The following EPB41 variants were observed in gnomAD, a reference collection of about 807,000 sequenced individuals.
EPB41 encodes the protein protein 4.1.
In EPB41, 65 loss-of-function variants were observed where a neutral mutation model predicts 108.0. The ratio of observed to expected loss-of-function variants is 0.60; its 90% CI spans 0.49 to 0.74. The LOEUF is 0.74. EPB41 is among the 30% of genes least tolerant of loss of function. The probability of loss-of-function intolerance (pLI) is 0.00; values close to 1 mark genes in which losing one functional copy is unlikely to be tolerated. For synonymous variants in EPB41, 336 were observed against 358.9 expected (o/e 0.94, Z 0.72); for missense variants, 875 against 1,037.0 (o/e 0.84, Z 2.15).
At chr1:29,027,435 G>A (rs908922654) in intron 7 of EPB41, among the ~76,000 whole-genome samples, 1 of 151,158 alleles carries the variant, frequency 6.6e-6, no homozygotes, top group Non-Finnish European at 1.5e-5. Flanking sequence ...AGGTTCAAGC[G>A]ATTCTCCTGC....
intron 12 of EPB41, chr1:29,054,549 A>C (rs1056341206): frequency 7.7e-4 from 117 of 151,096 alleles, no homozygotes; most frequent in African/African-American, 2.6e-3. Flanking sequence ...AAAAAAAAAA[A>C]AAAAAAAAAA....
chr1:28,939,312 T>C (rs1204420083), intron 1 of EPB41, among the ~76,000 whole-genome samples: 2 of 152,188 alleles, frequency 1.3e-5, no homozygotes, highest in Non-Finnish European at 2.9e-5. Flanking sequence ...TTGACTTTTG[T>C]ATGTTAATCC....
chr1:29,011,410 C>T (rs2096498994), intron 4 of EPB41, among the ~76,000 whole-genome samples: 1 of 151,604 alleles, frequency 6.6e-6, no homozygotes. Flanking sequence ...GACTAAAGGT[C>T]AGGGTTGGAG....
chr1:28,958,404 C>T (rs1031626487), intron 1 of EPB41, among the ~76,000 whole-genome samples: 3 of 150,902 alleles, frequency 2.0e-5, no homozygotes, highest in African/African-American at 4.9e-5. Context: ...GCTGAGATTG[C>T]ACCACTGCAC....
chr1:28,938,227 AT>A (rs2094127694), intron 1 of EPB41, among the ~76,000 whole-genome samples: 2 of 152,244 alleles, frequency 1.3e-5, no homozygotes, highest in South Asian at 4.1e-4. Context: ...AGTTTTGTCC[AT>A]TTTTGTGGAA....
rs904434364 is a variant in EPB41, at chr1:28,902,288, T to C, written c.-8+15078T>C. On this transcript the variant is annotated intron_variant, in intron 1 of 16. Coordinates refer to the EPB41 transcript ENST00000347529. Reference sequence around the variant, plus strand: ...TTTTCTGCCAGGGCATCAGTTTCAATTGGAGTGCCCAAATCTTTTGTTCTG... The same window carrying C: ...TTTTCTGCCAGGGCATCAGTTTCAACTGGAGTGCCCAAATCTTTTGTTCTG... The C allele has an allele frequency of 7.6e-5, 75 of 985,330 alleles. 1 individual carries two copies. Among genetic ancestry groups the C allele is most frequent in the African/African-American group, 1.2e-4 (7 of 57,238 alleles). 61.0% of individuals were successfully genotyped at this position (985,330 alleles called of 1,614,324 possible).
At chr1:29,033,342 C>A in intron 9 of EPB41, 97 bp downstream of exon 9, 1 of 1,432,154 alleles carries the variant, frequency 7.0e-7, no homozygotes, top group Admixed American at 1.7e-5. Context: ...TGAGAAGTCT[C>A]TCTATAGTTA....
At chr1:29,106,824 G>A (rs1667357561) in intron 17 of EPB41, among the ~76,000 whole-genome samples, 1 of 150,620 alleles carries the variant, frequency 6.6e-6, no homozygotes, top group Non-Finnish European at 1.5e-5. Context: ...GCCTGCCTTG[G>A]CCTCCCAAAG....
chr1:28,916,064 T>C (rs2148102184), intron 1 of EPB41, among the ~76,000 whole-genome samples: 1 of 152,336 alleles, frequency 6.6e-6, no homozygotes, highest in East Asian at 1.9e-4. Context: ...CATTTTCCTT[T>C]TCTGTAAATT....
intron 11 of EPB41, among the ~76,000 whole-genome samples, chr1:29,040,859 G>C (rs1306073852): frequency 1.3e-5 from 2 of 152,016 alleles, no homozygotes; most frequent in African/African-American, 4.8e-5. Flanking sequence ...ATTCAGGCTG[G>C]GTGCGGTGGC....
intron 11 of EPB41, among the ~76,000 whole-genome samples, chr1:29,050,734 G>T (rs1573112316): frequency 6.6e-6 from 1 of 151,990 alleles, no homozygotes; most frequent in South Asian, 2.1e-4. Context: ...AGAGTGCAGT[G>T]GTACGATCTC....
At chr1:29,083,057 T>A (rs1355866395) in intron 16 of EPB41, among the ~76,000 whole-genome samples, 1 of 152,118 alleles carries the variant, frequency 6.6e-6, no homozygotes, top group Non-Finnish European at 1.5e-5. Flanking sequence ...TTTATACAAA[T>A]GTAATCTTTA....
At chr1:29,067,747 C>T (rs778598381) in intron 16 of EPB41, among the ~76,000 whole-genome samples, 19 of 151,748 alleles carry the variant, frequency 1.3e-4, no homozygotes, top group Non-Finnish European at 2.5e-4. Context: ...AACAGTTCTC[C>T]AAACAGAGCT....
chr1:28,957,736 T>C (rs2149075462), intron 1 of EPB41, among the ~76,000 whole-genome samples: 1 of 152,304 alleles, frequency 6.6e-6, no homozygotes, highest in African/African-American at 2.4e-5. Flanking sequence ...GGCCATTGTT[T>C]TTAAGAATTG....
At chr1:29,062,733 G>A (rs1001692762) in intron 15 of EPB41, among the ~76,000 whole-genome samples, 15 of 149,120 alleles carry the variant, frequency 1.0e-4, no homozygotes, top group Non-Finnish European at 1.5e-4. Flanking sequence ...AAATAAGGTC[G>A]AGTTCATTTT....
chr1:29,106,407 C>T (rs1293071054), intron 17 of EPB41, among the ~76,000 whole-genome samples: 2 of 151,854 alleles, frequency 1.3e-5, no homozygotes, highest in African/African-American at 4.8e-5. Context: ...AACAGTGCTA[C>T]GGTGTAGGCA....
rs2095901258 is a variant in EPB41, at chr1:28,987,738, G to GA, written c.303dup (p.Val102SerfsTer5). On this transcript the variant is annotated frameshift_variant, in exon 2 of 21. Transcript: ENST00000343067. LOFTEE classifies it high-confidence loss of function. ...TCAGGTGTCCGAGGAAGAAGGCAAA[G>GA]AAGTAGAGTCAGATAAAGAAAAAGG... 2 of 1,614,068 alleles carry GA rather than the reference G, an allele frequency of 1.2e-6. No homozygotes were observed. The highest frequency in any genetic ancestry group is 1.7e-6 in the Non-Finnish European group (2 of 1,180,052).
intron 5 of EPB41, among the ~76,000 whole-genome samples, 157 bp from the exon 6 acceptor site, chr1:29,015,535 C>T (rs756020409): frequency 1.3e-5 from 2 of 149,786 alleles, no homozygotes; most frequent in Admixed American, 6.7e-5. Flanking sequence ...CTTCACGCTA[C>T]GGCACTCCAG....
intron 8 of EPB41, chr1:29,031,777 C>G (rs1026786491): frequency 6.6e-5 from 10 of 152,104 alleles, no homozygotes; most frequent in African/African-American, 2.4e-4. Flanking sequence ...CCTTACTTCT[C>G]TCTTCTTCAG....
Sources: allele counts gnomAD v4.1 joint callset (sites outside exome capture counted in the v4.1 genomes callset), GRCh38; gene constraint gnomAD v4.1.1; transcripts MANE v1.5; gene names NCBI Gene and HGNC (gene_info 2026-07-23, HGNC 2026-07-21).